The following ADARB2 variants were observed in gnomAD, a reference collection of about 807,000 sequenced individuals.
ADARB2 encodes inactive double-stranded RNA-specific editase B2.
In ADARB2, 25 loss-of-function variants were observed where a neutral mutation model predicts 62.2. The observed-to-expected ratio is 0.40, with a 90% CI of 0.29 to 0.56. The LOEUF (loss-of-function observed/expected upper bound fraction) is 0.56, where lower values mean the gene tolerates loss of function less well. Among genes scored for constraint, ADARB2 ranks in the 20% least tolerant of loss-of-function variants. The pLI is 0.43. For missense variants in ADARB2, 1,071 were observed against 1,077.4 expected (o/e 0.99, Z 0.08); for synonymous variants, 572 against 500.8 (o/e 1.14, Z -1.90).
intron 1 of ADARB2, among the ~76,000 whole-genome samples, chr10:1,430,746 A>T (rs1203798352): frequency 6.6e-6 from 1 of 152,184 alleles, no homozygotes; most frequent in Admixed American, 6.5e-5. Flanking sequence ...TCTCAAAAAA[A>T]AAAAATCAGG....
chr10:1,583,233 G>A (rs1489411628), intron 1 of ADARB2, among the ~76,000 whole-genome samples: 1 of 152,160 alleles, frequency 6.6e-6, no homozygotes, highest in Non-Finnish European at 1.5e-5. Context: ...AGTAAAAAAT[G>A]CCACATGATA....
chr10:1,508,059 A>G (rs1436813072), intron 1 of ADARB2, among the ~76,000 whole-genome samples: 1 of 152,184 alleles, frequency 6.6e-6, no homozygotes, highest in African/African-American at 2.4e-5. Context: ...GGGAGATCAC[A>G]CAATTCCCGA....
intron 7 of ADARB2, among the ~76,000 whole-genome samples, chr10:1,205,637 C>G (rs1161636695): frequency 6.6e-6 from 1 of 152,292 alleles, no homozygotes; most frequent in Admixed American, 6.5e-5. Context: ...GCCCCTTCCA[C>G]CATGGGAGGA....
At chr10:1,414,991 G>GTGGATGGA (rs898684431) in intron 1 of ADARB2, among the ~76,000 whole-genome samples, 1 of 151,654 alleles carries the variant, frequency 6.6e-6, no homozygotes, top group South Asian at 2.1e-4. Context: ...ATGATAGAAG[G>GTGGATGGA]TGGATGGATG....
chr10:1,577,128 C>G (rs973627255), intron 1 of ADARB2, among the ~76,000 whole-genome samples: 3 of 151,742 alleles, frequency 2.0e-5, no homozygotes, highest in African/African-American at 7.3e-5. Context: ...GGCTCAGACA[C>G]AGCAAGGAAA....
intron 1 of ADARB2, among the ~76,000 whole-genome samples, chr10:1,404,428 G>A (rs950105270): frequency 4.6e-5 from 7 of 152,226 alleles, no homozygotes; most frequent in Non-Finnish European, 1.0e-4. Context: ...CCCATTTGCC[G>A]GCTGCCATCC....
At chr10:1,391,003 A>AC (rs1380907017) in intron 1 of ADARB2, among the ~76,000 whole-genome samples, 3 of 152,130 alleles carry the variant, frequency 2.0e-5, no homozygotes, top group African/African-American at 7.2e-5. Flanking sequence ...TTTTTGGCTC[A>AC]CCCCCTGCCC....
At chr10:1,463,225 T>C (rs1831201687) in intron 1 of ADARB2, among the ~76,000 whole-genome samples, 1 of 152,112 alleles carries the variant, frequency 6.6e-6, no homozygotes, top group Non-Finnish European at 1.5e-5. Context: ...CAGATGCCTG[T>C]GGTGTTCAGC....
In ADARB2 at chr10:1,217,104, T is replaced by C. The variant is rs1405138349; in HGVS notation, c.1529A>G (p.His510Arg). 3.8e-6 allele frequency: 6 copies of C among 1,598,010 alleles called. No homozygotes were observed. The highest frequency in any genetic ancestry group is 5.1e-6 in the Non-Finnish European group (6 of 1,172,788). Residue 510 changes from histidine (H) to arginine (R), a missense_variant, in exon 7 of 10, where the codon CAC becomes CGC. Physicochemically the swap from His to Arg is conservative, Grantham distance 29. Coordinates refer to ENST00000381312, the MANE Select transcript of ADARB2 (RefSeq NM_018702.4). ...EITTDLHSSK[H>R]LVRKFRGHLR... is the part of the protein sequence containing the mutation. ...GTGCCCGCGGAACTTCCTGACGAGGTGTTTGCTGCTGTGCACTAGGAGATA... is the reference window on the plus strand; with the variant it reads ...GTGCCCGCGGAACTTCCTGACGAGGCGTTTGCTGCTGTGCACTAGGAGATA...
intron 1 of ADARB2, among the ~76,000 whole-genome samples, chr10:1,734,006 G>GT (rs5782600): frequency 0.095 from 14,164 of 148,712 alleles, 835 homozygotes; most frequent in East Asian, 0.23. Context: ...CCTTCTCATA[G>GT]TTTTTTTTTT....
intron 1 of ADARB2, among the ~76,000 whole-genome samples, chr10:1,721,865 C>T (rs578011552): frequency 6.6e-6 from 1 of 152,242 alleles, no homozygotes; most frequent in South Asian, 2.1e-4. Flanking sequence ...AAATCGTCTC[C>T]ATCTGCCCCC....
chr10:1,234,047 T>C (rs1830836993), intron 5 of ADARB2, among the ~76,000 whole-genome samples: 1 of 148,222 alleles, frequency 6.7e-6, no homozygotes, highest in Non-Finnish European at 1.5e-5. Context: ...ATTTGCTCAC[T>C]GCAACCTCCA....
chr10:1,527,679 C>G (rs143661386), intron 1 of ADARB2, among the ~76,000 whole-genome samples: 1 of 152,062 alleles, frequency 6.6e-6, no homozygotes, highest in Admixed American at 6.5e-5. Flanking sequence ...TTGTGAGATG[C>G]TATTTGGTTT....
chr10:1,639,402 G>A (rs1339866472), intron 1 of ADARB2, among the ~76,000 whole-genome samples: 3 of 152,214 alleles, frequency 2.0e-5, no homozygotes, highest in Non-Finnish European at 2.9e-5. Context: ...ACCAAGAAAC[G>A]CCACCAGCTT....
intron 1 of ADARB2, among the ~76,000 whole-genome samples, chr10:1,536,495 C>T (rs775298555): frequency 1.2e-4 from 18 of 152,262 alleles, no homozygotes; most frequent in Non-Finnish European, 7.3e-5. Context: ...CCATCAGCAA[C>T]GGACTGGGAA....
chr10:1,603,657 A>G (rs1434870591), intron 1 of ADARB2, among the ~76,000 whole-genome samples: 1 of 150,534 alleles, frequency 6.6e-6, no homozygotes, highest in Non-Finnish European at 1.5e-5. Flanking sequence ...TACAGTGGTC[A>G]TAAGTCACAG....
At chr10:1,692,063 CAG>C (rs1834680372) in intron 1 of ADARB2, among the ~76,000 whole-genome samples, 1 of 152,214 alleles carries the variant, frequency 6.6e-6, no homozygotes, top group Admixed American at 6.5e-5. Flanking sequence ...GCTCAATAAA[CAG>C]AATTTTCTTA....
At chr10:1,513,180 C>T (rs1302214658) in intron 1 of ADARB2, among the ~76,000 whole-genome samples, 1 of 152,164 alleles carries the variant, frequency 6.6e-6, no homozygotes, top group Non-Finnish European at 1.5e-5. Context: ...TCGTGTTGTA[C>T]ACCTTAGATA....
At chr10:1,663,226 T>C (rs1025180481) in intron 1 of ADARB2, among the ~76,000 whole-genome samples, 2 of 152,230 alleles carry the variant, frequency 1.3e-5, no homozygotes, top group African/African-American at 4.8e-5. Flanking sequence ...TGTACACAGT[T>C]TGTCCTACTA....
Sources: gnomAD v4.1 joint callset for allele counts (sites outside exome capture counted in the v4.1 genomes callset) on GRCh38, gnomAD v4.1.1 for gene constraint, MANE v1.5 for transcripts, NCBI Gene and HGNC (gene_info 2026-07-23, HGNC 2026-07-21) for gene names.